LIN7A: variants seen among roughly 807,000 people sequenced by gnomAD.
LIN7A encodes lin-7 cell polarity scaffold A.
LIN7A carries 25 observed loss-of-function variants against 29.8 expected under a neutral mutation model. The ratio of observed to expected loss-of-function variants is 0.84; its 90% CI spans 0.61 to 1.17. The LOEUF is 1.17. LIN7A is among the 50% of genes most tolerant of loss of function. The pLI is 0.00. For synonymous variants in LIN7A, 118 were observed against 107.5 expected, an observed-to-expected ratio of 1.10 and a Z score of -0.60; for missense variants, 239 against 287.0, an observed-to-expected ratio of 0.83 and a Z score of 1.21.
intron 4 of LIN7A, among the ~76,000 whole-genome samples, chr12:80,843,167 A>G (rs1213014930): frequency 6.6e-6 from 1 of 152,204 alleles, no homozygotes; most frequent in African/African-American, 2.4e-5. Flanking sequence ...AGAGGTTTAA[A>G]TATATGTGGG....
intron 4 of LIN7A, chr12:80,841,943 G>GAT: frequency 9.2e-7 from 1 of 1,091,086 alleles, no homozygotes; most frequent in Non-Finnish European, 1.1e-6. Flanking sequence ...ACTGAGGATT[G>GAT]ATATAAGAAG....
intron 2 of LIN7A, among the ~76,000 whole-genome samples, chr12:80,881,596 C>G (rs1471849178): frequency 6.6e-6 from 1 of 150,410 alleles, no homozygotes; most frequent in Non-Finnish European, 1.5e-5. Context: ...CAATTTTTTG[C>G]ACAAAAAGCA....
At chr12:80,801,862 A>G (rs1473613313) in intron 5 of LIN7A, among the ~76,000 whole-genome samples, 1 of 151,614 alleles carries the variant, frequency 6.6e-6, no homozygotes, top group East Asian at 1.9e-4. Flanking sequence ...TACCTCTGAT[A>G]ATCACTATTC....
intron 2 of LIN7A, among the ~76,000 whole-genome samples, chr12:80,866,398 T>G (rs1874137549): frequency 6.6e-6 from 1 of 152,226 alleles, no homozygotes; most frequent in South Asian, 2.1e-4. Flanking sequence ...TCTTAATTTT[T>G]TTTTCTGTCT....
At chr12:80,831,408 A>G (rs1247563109) in intron 4 of LIN7A, among the ~76,000 whole-genome samples, 1 of 152,226 alleles carries the variant, frequency 6.6e-6, no homozygotes, top group Non-Finnish European at 1.5e-5. Flanking sequence ...AAGGTCTCAC[A>G]TTCCTATAAA....
intron 4 of LIN7A, among the ~76,000 whole-genome samples, chr12:80,820,641 A>ACACACACACACACACC (rs1272270496): frequency 6.6e-6 from 1 of 151,948 alleles, no homozygotes; most frequent in Non-Finnish European, 1.5e-5. Context: ...ACACACACAC[A>ACACACACACACACACC]CACACACACA....
chr12:80,813,185 C>G (rs535542980), intron 4 of LIN7A, among the ~76,000 whole-genome samples: 33 of 152,012 alleles, frequency 2.2e-4, no homozygotes, highest in African/African-American at 7.2e-4. Context: ...TAATTTTTTT[C>G]TATTTTTAGT....
chr12:80,848,306 T>C lies in LIN7A; in HGVS notation c.218A>G (p.His73Arg). Reference sequence around the variant, plus strand: ...ACAGCCATTAACAGTTATCGTTTCATGCATATATTGATACACCTAAAATGT... The same window carrying C: ...ACAGCCATTAACAGTTATCGTTTCACGCATATATTGATACACCTAAAATGT... ...TAIREVYQYM[H>R]ETITVNGCPE... Residue 73 changes from histidine (H) to arginine (R), a missense_variant, in exon 3 of 6, where the codon CAT becomes CGT. Coordinates refer to ENST00000552864, the MANE Select transcript of LIN7A (RefSeq NM_004664.4). 3 of 1,611,096 alleles carry C rather than the reference T, an allele frequency of 1.9e-6. No homozygotes were observed. The highest frequency in any genetic ancestry group is 2.5e-6 in the Non-Finnish European group (3 of 1,177,404).
At chr12:80,853,065 C>A (rs969574537) in intron 2 of LIN7A, among the ~76,000 whole-genome samples, 1 of 152,110 alleles carries the variant, frequency 6.6e-6, no homozygotes, top group Non-Finnish European at 1.5e-5. Context: ...TAAGTGCATG[C>A]AAAACACCTG....
rs79235788 is a variant in LIN7A at position 80,883,469 on chromosome 12, G to A, written c.201+5782C>T. The stretch of plus-strand genomic sequence containing the variant: ...CAATTTATTTTAATTATTGATGGTG[G>A]GATAATGAATATAAATATACCAGTC... On this transcript the variant is annotated intron_variant, in intron 2 of 5. Transcript: ENST00000552864. Among the ~76,000 whole-genome samples the A allele has an allele frequency of 9.3e-3, 1,419 of 152,204 alleles. 13 individuals are homozygous for A. The highest frequency in any genetic ancestry group is 0.055 in the East Asian group (285 of 5,180).
At chr12:80,926,927 C>CAAAAA (rs35483715) in intron 1 of LIN7A, among the ~76,000 whole-genome samples, 1 of 55,890 alleles carries the variant, frequency 1.8e-5, no homozygotes, top group African/African-American at 5.8e-5. Context: ...GACTCCATCT[C>CAAAAA]AAAAAAAAAA....
intron 4 of LIN7A, among the ~76,000 whole-genome samples, chr12:80,818,803 C>T (rs1254353260): frequency 6.6e-6 from 1 of 152,154 alleles, no homozygotes; most frequent in Non-Finnish European, 1.5e-5. Flanking sequence ...CTACTCTAAA[C>T]CCAAATAGAA....
intron 5 of LIN7A, among the ~76,000 whole-genome samples, chr12:80,810,410 TG>T (rs1226104585): frequency 3.6e-4 from 54 of 148,710 alleles, no homozygotes; most frequent in South Asian, 2.7e-3. Flanking sequence ...TGTGTGTGTG[TG>T]TGTGTGTGTG....
At chr12:80,882,302 T>TTTTTTTTTTTTTTTTTTTTTTTTTTA in intron 2 of LIN7A, among the ~76,000 whole-genome samples, 1 of 116,050 alleles carries the variant, frequency 8.6e-6, no homozygotes. Context: ...TTTTTTTTTT[T>TTTTTTTTTTTTTTTTTTTTTTTTTTA]GAGACGGAGT....
At position 80,796,760 on chromosome 12, in the gene LIN7A, A is replaced by C. The variant is rs1870468718; in HGVS notation, c.*967T>G. On this transcript the variant is annotated 3_prime_UTR_variant, in exon 6 of 6. Coordinates refer to ENST00000552864, the MANE Select transcript of LIN7A (RefSeq NM_004664.4). ...AAAATATGAAATAGGCTTCTATGAC[A>C]GCACATCAGTGTGAGTAGAGTTTAG... is the stretch of plus-strand genomic sequence containing the variant. 6.6e-6 allele frequency: 1 copy of C among 152,158 alleles called. No homozygotes were observed. Among genetic ancestry groups the C allele is most frequent in the South Asian group, 2.1e-4 (1 of 4,832 alleles). The allele number at this position is 152,158 out of a possible 1,614,324, so 9.4% of individuals were successfully genotyped here. A position where few individuals can be genotyped will look rare whatever the true frequency, so the allele number is the denominator to read the frequency against.
chr12:80,936,155 TA>T (rs1878205603), intron 1 of LIN7A, among the ~76,000 whole-genome samples: 1 of 152,222 alleles, frequency 6.6e-6, no homozygotes, highest in South Asian at 2.1e-4. Flanking sequence ...TTATCCTGCT[TA>T]GTGCAGATGA....
chr12:80,868,263 T>C (rs1874242674), intron 2 of LIN7A, among the ~76,000 whole-genome samples: 1 of 152,178 alleles, frequency 6.6e-6, no homozygotes, highest in Non-Finnish European at 1.5e-5. Context: ...ACATCTGTCC[T>C]TCTGGTAAAA....
At chr12:80,806,981 A>G (rs1871021440) in intron 5 of LIN7A, among the ~76,000 whole-genome samples, 1 of 152,012 alleles carries the variant, frequency 6.6e-6, no homozygotes, top group African/African-American at 2.4e-5. Context: ...TGCCAGAAAT[A>G]ACATAGTTTG....
At chr12:80,867,995 T>C (rs1369590262) in intron 2 of LIN7A, among the ~76,000 whole-genome samples, 1 of 152,120 alleles carries the variant, frequency 6.6e-6, no homozygotes, top group Non-Finnish European at 1.5e-5. Context: ...CACATAAAAA[T>C]ACTTATCCCT....
Sources: allele counts gnomAD v4.1 joint callset (sites outside exome capture counted in the v4.1 genomes callset), GRCh38; gene constraint gnomAD v4.1.1; transcripts MANE v1.5; gene names NCBI Gene and HGNC (gene_info 2026-07-23, HGNC 2026-07-21).